BBS9: variants seen among roughly 807,000 people sequenced by gnomAD.
The protein encoded by BBS9 is protein PTHB1.
In BBS9, 89 loss-of-function variants were observed where a neutral mutation model predicts 117.7. The observed-to-expected ratio is 0.76, with a 90% confidence interval of 0.64 to 0.90. The LOEUF is 0.90. BBS9 is among the 40% of genes least tolerant of loss of function. BBS9 has a pLI of 0.00. For synonymous variants in BBS9, 379 were observed against 370.9 expected (o/e 1.02, Z -0.25); for missense variants, 982 against 1,042.2 (o/e 0.94, Z 0.80).
intron 19 of BBS9, among the ~76,000 whole-genome samples, chr7:33,389,199 A>C (rs796192714): frequency 2.2e-4 from 33 of 150,664 alleles, no homozygotes; most frequent in African/African-American, 6.8e-4. Context: ...AGCATCCGCC[A>C]CCACATTCTA....
At chr7:33,140,612 C>T (rs1334030262) in intron 1 of BBS9, among the ~76,000 whole-genome samples, 2 of 152,066 alleles carry the variant, frequency 1.3e-5, no homozygotes, top group Non-Finnish European at 1.5e-5. Flanking sequence ...TTACAATTCT[C>T]CTAGGTACTT....
chr7:33,292,559 C>G (rs887058836), intron 9 of BBS9, among the ~76,000 whole-genome samples: 1 of 152,116 alleles, frequency 6.6e-6, no homozygotes. Context: ...TTGTTTAGGT[C>G]AAACTTTTTA....
At chr7:33,193,870 G>T (rs1784549983) in intron 5 of BBS9, among the ~76,000 whole-genome samples, 1 of 152,140 alleles carries the variant, frequency 6.6e-6, no homozygotes. Context: ...TTTTCCTTGA[G>T]TCAGTGCCAT....
chr7:33,420,421 A>G (rs1035534413), intron 19 of BBS9, among the ~76,000 whole-genome samples: 13 of 152,206 alleles, frequency 8.5e-5, no homozygotes, highest in African/African-American at 3.1e-4. Context: ...GACCCTGACT[A>G]TTTTGGCAAT....
intron 4 of BBS9, among the ~76,000 whole-genome samples, chr7:33,168,511 C>A (rs933959330): frequency 6.6e-5 from 10 of 152,062 alleles, no homozygotes; most frequent in Non-Finnish European, 2.9e-5. Context: ...AAATGCTACA[C>A]AAATTTTTGT....
At chr7:33,228,541 A>G (rs1327434185) in intron 5 of BBS9, among the ~76,000 whole-genome samples, 1 of 152,108 alleles carries the variant, frequency 6.6e-6, no homozygotes, top group Non-Finnish European at 1.5e-5. Flanking sequence ...TTTAAGTCAA[A>G]TATCCACGTA....
chr7:33,182,134 A>AAACTAGGC (rs1798188967), intron 5 of BBS9, among the ~76,000 whole-genome samples: 1 of 152,138 alleles, frequency 6.6e-6, no homozygotes, highest in Non-Finnish European at 1.5e-5. Context: ...TTAACCCTCT[A>AAACTAGGC]AACTAGGCAA....
chr7:33,377,936 A>C (rs1478382532), intron 17 of BBS9, among the ~76,000 whole-genome samples: 1 of 152,216 alleles, frequency 6.6e-6, no homozygotes, highest in Non-Finnish European at 1.5e-5. Flanking sequence ...TAACCATTAA[A>C]AAATTTATTA....
At chr7:33,216,501 A>G (rs1031850426) in intron 5 of BBS9, among the ~76,000 whole-genome samples, 1 of 152,242 alleles carries the variant, frequency 6.6e-6, no homozygotes, top group African/African-American at 2.4e-5. Flanking sequence ...CCAGTGGGCT[A>G]AAAAAGAATT....
chr7:33,252,257 C>T (rs1796333095), intron 5 of BBS9, among the ~76,000 whole-genome samples: 1 of 152,174 alleles, frequency 6.6e-6, no homozygotes, highest in Non-Finnish European at 1.5e-5. Flanking sequence ...TACCTCCCTC[C>T]CTCCAGGCTC....
At chr7:33,352,496 A>G (rs1332893509) in intron 14 of BBS9, among the ~76,000 whole-genome samples, 1 of 152,204 alleles carries the variant, frequency 6.6e-6, no homozygotes, top group East Asian at 1.9e-4. Context: ...AAATAAATTC[A>G]AAAAGTAACT....
At chr7:33,281,192 CTA>C (rs1554395754) in intron 9 of BBS9, among the ~76,000 whole-genome samples, 1 of 150,960 alleles carries the variant, frequency 6.6e-6, no homozygotes, top group Non-Finnish European at 1.5e-5. Flanking sequence ...TTTAGATATT[CTA>C]TGTTAGTCAG....
intron 5 of BBS9, among the ~76,000 whole-genome samples, chr7:33,249,900 C>G (rs1285780721): frequency 6.6e-6 from 1 of 152,256 alleles, no homozygotes; most frequent in Non-Finnish European, 1.5e-5. Flanking sequence ...TAATTTCCCT[C>G]TACTTTTACC....
chr7:33,502,704 GC>G (rs1266226879), intron 19 of BBS9, among the ~76,000 whole-genome samples: 1 of 151,872 alleles, frequency 6.6e-6, no homozygotes, highest in Non-Finnish European at 1.5e-5. Context: ...CCTTCCTAAG[GC>G]CCCCTACACT....
At chr7:33,135,314 A>G (rs1179069348) in intron 1 of BBS9, among the ~76,000 whole-genome samples, 3 of 152,230 alleles carry the variant, frequency 2.0e-5, no homozygotes, top group Non-Finnish European at 4.4e-5. Flanking sequence ...AGTTTTAGCT[A>G]TACATTAGCT....
chr7:33,453,907 T>C (rs899819283), intron 19 of BBS9, among the ~76,000 whole-genome samples: 1 of 152,238 alleles, frequency 6.6e-6, no homozygotes, highest in Non-Finnish European at 1.5e-5. Flanking sequence ...GTTTATGTTA[T>C]TGGGAAGTCT....
chr7:33,184,016 A>T (rs1344294443), intron 5 of BBS9, among the ~76,000 whole-genome samples: 1 of 152,206 alleles, frequency 6.6e-6, no homozygotes, highest in African/African-American at 2.4e-5. Context: ...GCTTAAGACC[A>T]GCCTCACAAA....
At chr7:33,245,473 C>T (rs2128291262) in intron 5 of BBS9, among the ~76,000 whole-genome samples, 1 of 152,204 alleles carries the variant, frequency 6.6e-6, no homozygotes, top group Non-Finnish European at 1.5e-5. Flanking sequence ...CATACCAAAA[C>T]TAATTATTTC....
At chr7:33,304,100 G>T (rs1807245830) in intron 9 of BBS9, among the ~76,000 whole-genome samples, 1 of 147,420 alleles carries the variant, frequency 6.8e-6, no homozygotes, top group Non-Finnish European at 1.5e-5. Flanking sequence ...TGGGATGTGA[G>T]GAGTGCCTCT....
Sources: gnomAD v4.1 joint callset for allele counts (sites outside exome capture counted in the v4.1 genomes callset) on GRCh38, gnomAD v4.1.1 for gene constraint, MANE v1.5 for transcripts, NCBI Gene and HGNC (gene_info 2026-07-23, HGNC 2026-07-21) for gene names.